KIF13A: variants seen among roughly 807,000 people sequenced by gnomAD.
KIF13A encodes the protein kinesin-like protein KIF13A.
A neutral mutation model predicts 212.2 loss-of-function variants in KIF13A; 79 were observed. That is an observed-to-expected ratio of 0.37 (90% CI 0.31 to 0.45). KIF13A has a LOEUF of 0.45. KIF13A is among the 20% of genes least tolerant of loss of function. KIF13A has a pLI of 1.00. For missense variants in KIF13A, 1,901 were observed against 2,209.0 expected (o/e 0.86, Z 2.79); for synonymous variants, 789 against 808.6 (o/e 0.98, Z 0.41).
intron 6 of KIF13A, 37 bp from the exon 7 acceptor site, chr6:17,852,079 C>A (rs1000009911): frequency 3.5e-6 from 4 of 1,133,776 alleles, no homozygotes; most frequent in Non-Finnish European, 3.6e-6. Context: ...ATGAATCACA[C>A]CAAAGCTGGA....
At chr6:17,778,824 G>T in intron 33 of KIF13A, 123 bp downstream of exon 33, 1 of 1,135,386 alleles carries the variant, frequency 8.8e-7, no homozygotes, top group Non-Finnish European at 1.3e-6. Flanking sequence ...CCTTTCAATA[G>T]AGATGGCTCA....
intron 4 of KIF13A, among the ~76,000 whole-genome samples, chr6:17,868,215 CT>C (rs1188689391): frequency 1.3e-5 from 2 of 151,668 alleles, no homozygotes; most frequent in Non-Finnish European, 2.9e-5. Flanking sequence ...TACCAGACTG[CT>C]TTTTTTTTAT....
Position 17,817,176 on chromosome 6 carries a change from C to T in KIF13A, c.1844G>A (p.Ser615Asn). The T allele has an allele frequency of 6.2e-7, 1 of 1,614,082 alleles. No individual in the cohort carries two copies. The highest frequency in any genetic ancestry group is 8.5e-7 in the Non-Finnish European group (1 of 1,179,902). ...LEKQYLEEKR[S>N]ALEEQRLMYE... Reference sequence around the variant, plus strand: ...CATGAGCCGCTGCTCCTCTAGGGCACTTCTCTTTTCTTCTAGGTATTGTTT... The same window carrying T: ...CATGAGCCGCTGCTCCTCTAGGGCATTTCTCTTTTCTTCTAGGTATTGTTT... Residue 615 changes from serine (S) to asparagine (N), a missense_variant, in exon 17 of 39, where the codon AGT becomes AAT. Transcript: ENST00000259711.
rs754381226 is a variant in KIF13A at position 17,764,530 on chromosome 6, C to A, written c.4998G>T (p.Val1666=). The A allele has an allele frequency of 3.1e-6, 5 of 1,613,854 alleles. No individual in the cohort carries two copies. Among genetic ancestry groups the A allele is most frequent in the Non-Finnish European group, 4.2e-6 (5 of 1,179,886 alleles). Residue 1666 remains valine (V), a synonymous_variant, in exon 39 of 39, where the codon GTG becomes GTT. Coordinates refer to ENST00000259711, the MANE Select transcript of KIF13A (RefSeq NM_022113.6). The surrounding 1 kb of genome is among the most constrained non-coding windows in gnomAD (Gnocchi z 5.1). ...EKGLVKDKII[V]VPLKENSALA... ...AGGCACTGTTTTCCTTGAGTGGCACCACAATTATCTTGTCCTTTACCAAGC... is the reference window on the plus strand; with the variant it reads ...AGGCACTGTTTTCCTTGAGTGGCACAACAATTATCTTGTCCTTTACCAAGC...
chr6:17,863,421 A>G (rs1033532576), intron 4 of KIF13A, among the ~76,000 whole-genome samples: 1 of 151,674 alleles, frequency 6.6e-6, no homozygotes, highest in Admixed American at 6.6e-5. Context: ...AAAAAACCCA[A>G]TATAAAAAAC....
chr6:17,793,372 G>A (rs373831906), intron 25 of KIF13A, among the ~76,000 whole-genome samples: 2 of 152,064 alleles, frequency 1.3e-5, no homozygotes, highest in Middle Eastern at 3.4e-3. Context: ...ATGAGCAACC[G>A]CGCCTGGCCA....
chr6:17,870,898 T>C (rs1769940899), intron 4 of KIF13A, among the ~76,000 whole-genome samples: 1 of 152,186 alleles, frequency 6.6e-6, no homozygotes, highest in Admixed American at 6.5e-5. Flanking sequence ...GCACATAAAG[T>C]GACCTATTTA....
chr6:17,794,149 C>A lies in KIF13A; in HGVS notation c.3222+100G>T, dbSNP rs1447337661. The A allele has an allele frequency of 2.3e-6, 2 of 878,598 alleles. No individual in the cohort carries two copies. Among genetic ancestry groups the A allele is most frequent in the African/African-American group, 3.3e-5 (2 of 60,654 alleles). 54.4% of individuals were successfully genotyped at this position (878,598 alleles called of 1,614,324 possible). A position where few individuals can be genotyped will look rare whatever the true frequency, so the allele number is the denominator to read the frequency against. ...GAAATGTGAACTGGGGGAAGATCTA[C>A]GGTTAAGGCAAAGAGTTCTGTTATA... is the stretch of plus-strand genomic sequence containing the variant. On this transcript the variant is annotated intron_variant, in intron 25 of 38. Transcript: ENST00000259711. The surrounding 1 kb of genome is among the most constrained non-coding windows in gnomAD (Gnocchi z 4.1).
chr6:17,909,413 G>A (rs1773823202), intron 2 of KIF13A, among the ~76,000 whole-genome samples: 1 of 151,868 alleles, frequency 6.6e-6, no homozygotes, highest in Admixed American at 6.6e-5. Flanking sequence ...GCGCGTGCCT[G>A]TAGATCCAGC....
intron 2 of KIF13A, among the ~76,000 whole-genome samples, chr6:17,921,856 T>C (rs1385381548): frequency 6.6e-6 from 1 of 152,172 alleles, no homozygotes; most frequent in Non-Finnish European, 1.5e-5. Flanking sequence ...TGTTTTTTGC[T>C]TATAGACATT....
rs1761889699 is a variant in KIF13A, at chr6:17,794,778, T to C, written c.2943-74A>G. 6.8e-7 allele frequency: 1 copy of C among 1,462,828 alleles called. No individual in the cohort carries two copies. Among genetic ancestry groups the C allele is most frequent in the Non-Finnish European group, 9.2e-7 (1 of 1,081,136 alleles). The allele number at this position is 1,462,828 out of a possible 1,614,324, so 90.6% of individuals were successfully genotyped here. A position where few individuals can be genotyped will look rare whatever the true frequency, so the allele number is the denominator to read the frequency against. On this transcript the variant is annotated intron_variant, in intron 23 of 38. Transcript: ENST00000259711. The surrounding 1 kb of genome is among the most constrained non-coding windows in gnomAD (Gnocchi z 4.1). ...TGTTAGTAATAGTAATAAGCCACCA[T>C]TCACTGAGCACTTACTATGTGCTAG...
chr6:17,837,403 C>T lies in KIF13A; in HGVS notation c.942+69G>A, dbSNP rs1766064778. ...TTAGGTATTTGGTTAGCTTTGTACACACCTTTACTCTGTCACATCTGGAAT... is the reference window on the plus strand; with the variant it reads ...TTAGGTATTTGGTTAGCTTTGTACATACCTTTACTCTGTCACATCTGGAAT... On this transcript the variant is annotated intron_variant, in intron 10 of 38. Transcript: ENST00000259711. The surrounding 1 kb of genome is among the most constrained non-coding windows in gnomAD (Gnocchi z 5.4). 3 of 1,043,566 alleles carry T rather than the reference C, an allele frequency of 2.9e-6. No homozygotes were observed. Among genetic ancestry groups the T allele is most frequent in the African/African-American group, 1.6e-5 (1 of 63,246 alleles). 64.6% of individuals were successfully genotyped at this position (1,043,566 alleles called of 1,614,324 possible).
chr6:17,828,464 G>T lies in KIF13A; in HGVS notation c.1402-94C>A, dbSNP rs1765161589. On this transcript the variant is annotated intron_variant, in intron 13 of 38. Coordinates refer to ENST00000259711, the MANE Select transcript of KIF13A (RefSeq NM_022113.6). The surrounding 1 kb of genome is among the most constrained non-coding windows in gnomAD (Gnocchi z 4.3). ...CAATTTGAATAACGCAGCAGCATAT[G>T]CACAAAAATATTAAACGAATCCTGC... The T allele has an allele frequency of 1.9e-6, 2 of 1,033,216 alleles. No homozygotes were observed. The highest frequency in any genetic ancestry group is 2.8e-6 in the Non-Finnish European group (2 of 724,354). 64.0% of individuals were successfully genotyped at this position (1,033,216 alleles called of 1,614,324 possible).
intron 20 of KIF13A, 103 bp downstream of exon 20, chr6:17,804,258 C>A: frequency 9.3e-7 from 1 of 1,076,456 alleles, no homozygotes. Flanking sequence ...GCCTTAGTTT[C>A]TTGATCCACC....
At chr6:17,940,150 C>A (rs1776831411) in intron 2 of KIF13A, among the ~76,000 whole-genome samples, 1 of 151,732 alleles carries the variant, frequency 6.6e-6, no homozygotes, top group Admixed American at 6.6e-5. Context: ...TCCTTCCTTC[C>A]TTCCTTCTTT....
intron 2 of KIF13A, among the ~76,000 whole-genome samples, chr6:17,976,884 G>A (rs566696430): frequency 1.2e-4 from 18 of 151,704 alleles, no homozygotes; most frequent in Admixed American, 1.2e-3. Flanking sequence ...GGTGGATCAC[G>A]AGGTCAGGAG....
chr6:17,875,920 T>C (rs1770513534), intron 3 of KIF13A, among the ~76,000 whole-genome samples: 1 of 152,192 alleles, frequency 6.6e-6, no homozygotes, highest in South Asian at 2.1e-4. Context: ...TTTTATCCTA[T>C]TTGAGATTCT....
intron 2 of KIF13A, among the ~76,000 whole-genome samples, chr6:17,904,670 C>A (rs1368793835): frequency 6.6e-6 from 1 of 152,144 alleles, no homozygotes; most frequent in Non-Finnish European, 1.5e-5. Context: ...GTTCCTTCCC[C>A]ACACTTCACT....
Position 17,919,532 on chromosome 6 carries a change from G to C in KIF13A, c.147-21352C>G, listed in dbSNP as rs1428534386. The stretch of plus-strand genomic sequence containing the variant: ...AGACTTCAACCCTCCTATATATCCA[G>C]AGTAAGAAAGCTGTGAGTATCAAAA... On this transcript the variant is annotated intron_variant, in intron 2 of 38. Coordinates refer to ENST00000259711, the MANE Select transcript of KIF13A (RefSeq NM_022113.6). The surrounding 1 kb of genome is among the most constrained non-coding windows in gnomAD (Gnocchi z 4.1). Among the ~76,000 whole-genome samples the C allele has an allele frequency of 6.6e-6, 1 of 152,160 alleles. No individual in the cohort carries two copies. Among genetic ancestry groups the C allele is most frequent in the Non-Finnish European group, 1.5e-5 (1 of 68,030 alleles).
Sources: allele counts gnomAD v4.1 joint callset (sites outside exome capture counted in the v4.1 genomes callset), GRCh38; gene constraint gnomAD v4.1.1; non-coding constraint Gnocchi (gnomAD v3.1); transcripts MANE v1.5; gene names NCBI Gene and HGNC (gene_info 2026-07-23, HGNC 2026-07-21).